SPOCK1: variants seen among roughly 807,000 people sequenced by gnomAD.
The protein encoded by SPOCK1 is SPARC (osteonectin), cwcv and kazal like domains proteoglycan 1.
A neutral mutation model predicts 55.3 loss-of-function variants in SPOCK1; 23 were observed. The ratio of observed to expected loss-of-function variants is 0.42; its 90% CI spans 0.30 to 0.59. The LOEUF is 0.59. Among genes scored for constraint, SPOCK1 ranks in the 20% least tolerant of loss-of-function variants. SPOCK1 has a pLI of 0.22. For synonymous variants in SPOCK1, 226 were observed against 221.0 expected (o/e 1.02, Z -0.20); for missense variants, 499 against 552.5 (o/e 0.90, Z 0.97).
At chr5:137,343,902 G>C (rs1694172837) in intron 2 of SPOCK1, among the ~76,000 whole-genome samples, 1 of 152,136 alleles carries the variant, frequency 6.6e-6, no homozygotes. Flanking sequence ...CCCATACCAG[G>C]TGCCATACAG....
intron 3 of SPOCK1, among the ~76,000 whole-genome samples, chr5:137,184,420 T>G (rs1358737881): frequency 6.6e-6 from 1 of 152,170 alleles, no homozygotes; most frequent in Non-Finnish European, 1.5e-5. Flanking sequence ...GGGTCTGTCC[T>G]CGCCCCAGAA....
At chr5:137,202,105 T>C (rs1237835915) in intron 3 of SPOCK1, among the ~76,000 whole-genome samples, 2 of 152,198 alleles carry the variant, frequency 1.3e-5, no homozygotes, top group Non-Finnish European at 2.9e-5. Flanking sequence ...GGGCTTTGCA[T>C]CATTGGATGC....
At chr5:137,160,652 TA>T (rs1754534702) in intron 3 of SPOCK1, among the ~76,000 whole-genome samples, 1 of 96,040 alleles carries the variant, frequency 1.0e-5, no homozygotes, top group African/African-American at 4.5e-5. Context: ...ATATTTTATA[TA>T]ATATACAATA....
At chr5:137,108,572 C>T (rs916967106) in intron 5 of SPOCK1, among the ~76,000 whole-genome samples, 2 of 152,154 alleles carry the variant, frequency 1.3e-5, no homozygotes, top group African/African-American at 4.8e-5. Context: ...CTCCCACTAT[C>T]CTTGTCTTTT....
intron 6 of SPOCK1, among the ~76,000 whole-genome samples, chr5:137,029,971 A>G (rs1409525783): frequency 3.3e-5 from 5 of 152,210 alleles, no homozygotes; most frequent in African/African-American, 1.2e-4. Flanking sequence ...ATGCCTTAGA[A>G]ATCATGTGGG....
At chr5:137,162,252 C>T (rs144859285) in intron 3 of SPOCK1, among the ~76,000 whole-genome samples, 85 of 151,872 alleles carry the variant, frequency 5.6e-4, no homozygotes, top group African/African-American at 1.7e-3. Flanking sequence ...ATTCTCCTGC[C>T]TCATTCTCCC....
intron 3 of SPOCK1, among the ~76,000 whole-genome samples, chr5:137,231,233 C>T (rs537158805): frequency 3.2e-4 from 48 of 152,234 alleles, no homozygotes; most frequent in African/African-American, 1.2e-3. Flanking sequence ...TTAGTAGAGG[C>T]AGGGTTTCAC....
At chr5:137,404,507 T>C (rs1752053318) in intron 2 of SPOCK1, among the ~76,000 whole-genome samples, 1 of 151,158 alleles carries the variant, frequency 6.6e-6, no homozygotes, top group African/African-American at 2.4e-5. Flanking sequence ...TCTCCTGGGT[T>C]CAAGCTATTC....
chr5:137,220,403 T>C (rs1755824448), intron 3 of SPOCK1, among the ~76,000 whole-genome samples: 5 of 152,208 alleles, frequency 3.3e-5, no homozygotes, highest in Non-Finnish European at 7.3e-5. Flanking sequence ...TGTGAAGCCA[T>C]GAATGGATCA....
intron 3 of SPOCK1, among the ~76,000 whole-genome samples, chr5:137,236,993 T>C (rs1383173507): frequency 6.6e-6 from 1 of 152,168 alleles, no homozygotes; most frequent in African/African-American, 2.4e-5. Context: ...AGGCCTGTTA[T>C]CGAAAACCAC....
chr5:137,109,249 G>C (rs1462118859), intron 5 of SPOCK1, among the ~76,000 whole-genome samples: 1 of 152,192 alleles, frequency 6.6e-6, no homozygotes, highest in Non-Finnish European at 1.5e-5. Context: ...TCTTCACAAA[G>C]AGAGAAACAT....
rs1198704747 is a variant in SPOCK1 at position 137,247,316 on chromosome 5, C to T, written c.232+19694G>A. Reference sequence around the variant, plus strand: ...GAGCTGGAGGAGCTCTTCCAGGTCACTCAGTTCTGGTGCAGGTCAGTGGCA... The same window carrying T: ...GAGCTGGAGGAGCTCTTCCAGGTCATTCAGTTCTGGTGCAGGTCAGTGGCA... On this transcript the variant is annotated intron_variant, in intron 3 of 10. Coordinates refer to ENST00000394945, the MANE Select transcript of SPOCK1 (RefSeq NM_004598.4). Among the ~76,000 whole-genome samples the T allele has an allele frequency of 3.3e-5, 5 of 152,132 alleles. No homozygotes were observed. In the East Asian group the frequency reaches 9.7e-4, roughly 30 times the overall value.
At chr5:137,196,020 A>G (rs1393458532) in intron 3 of SPOCK1, among the ~76,000 whole-genome samples, 1 of 152,210 alleles carries the variant, frequency 6.6e-6, no homozygotes, top group Non-Finnish European at 1.5e-5. Context: ...CAAGAGCACC[A>G]GTCAATCAAA....
intron 2 of SPOCK1, among the ~76,000 whole-genome samples, chr5:137,280,737 G>A (rs145701250): frequency 2.1e-4 from 32 of 152,246 alleles, no homozygotes; most frequent in Admixed American, 8.5e-4. Context: ...CTTGCAAGTC[G>A]AAGACTCTAG....
intron 2 of SPOCK1, among the ~76,000 whole-genome samples, chr5:137,392,336 A>G (rs75401396): frequency 0.06 from 9,150 of 152,276 alleles, 324 homozygotes; most frequent in Non-Finnish European, 0.076. Flanking sequence ...CCCCAACGCC[A>G]GCCCACAACT....
chr5:137,020,964 G>C (rs949536816), intron 6 of SPOCK1, among the ~76,000 whole-genome samples: 4 of 152,064 alleles, frequency 2.6e-5, no homozygotes, highest in African/African-American at 7.2e-5. Flanking sequence ...AGCATCAGTG[G>C]AACAATGACT....
At chr5:137,442,942 G>T (rs1482649309) in intron 2 of SPOCK1, among the ~76,000 whole-genome samples, 1 of 152,110 alleles carries the variant, frequency 6.6e-6, no homozygotes, top group African/African-American at 2.4e-5. Context: ...GAGCCCAGTG[G>T]GCCTCCCTCT....
intron 2 of SPOCK1, among the ~76,000 whole-genome samples, chr5:137,438,044 A>G (rs1161652283): frequency 1.3e-5 from 2 of 152,178 alleles, no homozygotes; most frequent in Admixed American, 6.5e-5. Context: ...CATTTCACTT[A>G]GCATAATGGC....
At chr5:137,116,114 G>A (rs1309618040) in intron 4 of SPOCK1, among the ~76,000 whole-genome samples, 2 of 152,090 alleles carry the variant, frequency 1.3e-5, no homozygotes, top group East Asian at 1.9e-4. Flanking sequence ...GTGCCAAGGG[G>A]CAGCCACATC....
Sources: gnomAD v4.1 joint callset for allele counts (sites outside exome capture counted in the v4.1 genomes callset) on GRCh38, gnomAD v4.1.1 for gene constraint, MANE v1.5 for transcripts, NCBI Gene and HGNC (gene_info 2026-07-23, HGNC 2026-07-21) for gene names.